Variants in C4orf36 observed in about 807,000 individuals in gnomAD.
The protein encoded by C4orf36 is chromosome 4 open reading frame 36.
A neutral mutation model predicts 12.2 loss-of-function variants in C4orf36; 11 were observed. The observed-to-expected ratio is 0.90, with a 90% CI of 0.57 to 1.49. The LOEUF is 1.49. Ranked by LOEUF, C4orf36 falls within the 40% of genes most tolerant of loss-of-function variation. The probability of loss-of-function intolerance (pLI) is 0.00; values close to 1 mark genes in which losing one functional copy is unlikely to be tolerated. For synonymous variants in C4orf36, 54 were observed against 51.3 expected (o/e 1.05, Z -0.22); for missense variants, 137 against 133.9 (o/e 1.02, Z -0.11).
At chr4:86,896,763 G>A (rs28610346), upstream of C4orf36, among the ~76,000 whole-genome samples, 9,493 of 152,168 alleles carry the variant, frequency 0.062, 438 homozygotes, top group Non-Finnish European at 0.087. Flanking sequence ...ATGCGTATCC[G>A]TTTGTGGGAA....
At chr4:86,934,288 G>A in the C4orf36 span, among the ~76,000 whole-genome samples, 7 of 152,188 alleles carry the variant, frequency 4.6e-5, no homozygotes, top group African/African-American at 1.7e-4. Context: ...TCCTTGGTAT[G>A]TTTACAGCAG....
At chr4:86,922,530 T>C in the C4orf36 span, among the ~76,000 whole-genome samples, 4 of 152,222 alleles carry the variant, frequency 2.6e-5, no homozygotes, top group South Asian at 2.1e-4. Flanking sequence ...ATTTGCCAGC[T>C]GGTGCAATGT....
At chr4:86,918,747 A>G in the C4orf36 span, among the ~76,000 whole-genome samples, 1 of 152,098 alleles carries the variant, frequency 6.6e-6, no homozygotes, top group Non-Finnish European at 1.5e-5. Context: ...ATCTCTTAAT[A>G]CTTCCATGCC....
chr4:86,896,115 G>A (rs766194516), upstream of C4orf36, among the ~76,000 whole-genome samples: 15 of 152,102 alleles, frequency 9.9e-5, no homozygotes, highest in East Asian at 1.9e-4. Context: ...GGGATTTTAG[G>A]AATATTAGAG....
At chr4:86,892,901 G>C (rs114615061), upstream of C4orf36, among the ~76,000 whole-genome samples, 1,132 of 152,294 alleles carry the variant, frequency 7.4e-3, 12 homozygotes, top group African/African-American at 0.026. Context: ...ACCCCTTACG[G>C]TCAAATGAAA....
At chr4:86,925,974 T>A in the C4orf36 span, 1 of 151,758 alleles carries the variant, frequency 6.6e-6, no homozygotes, top group Non-Finnish European at 1.5e-5. Flanking sequence ...CCTCCCAGAT[T>A]GAAGCAATTC....
chr4:86,909,132 A>G, the C4orf36 span, among the ~76,000 whole-genome samples: 1 of 152,168 alleles, frequency 6.6e-6, no homozygotes, highest in Non-Finnish European at 1.5e-5. Context: ...TATCTCATGC[A>G]GGCTCCTCTT....
At chr4:86,936,051 C>T in the C4orf36 span, 33 of 152,112 alleles carry the variant, frequency 2.2e-4, no homozygotes, top group Admixed American at 2.2e-3. Flanking sequence ...CGATACCGTC[C>T]GGCTAGTTTT....
upstream of C4orf36, among the ~76,000 whole-genome samples, chr4:86,893,321 C>A (rs1173804847): frequency 1.3e-5 from 2 of 152,198 alleles, no homozygotes; most frequent in Non-Finnish European, 2.9e-5. Flanking sequence ...GCGTGTCTCA[C>A]GCCTGTAATC....
intron 4 of C4orf36, among the ~76,000 whole-genome samples, chr4:86,883,626 C>T (rs1470751721): frequency 2.0e-5 from 3 of 152,196 alleles, no homozygotes; most frequent in Non-Finnish European, 2.9e-5. Context: ...TCCCAGCTCA[C>T]ACAGCAATAA....
the C4orf36 span, chr4:86,934,377 T>C: frequency 6.6e-6 from 1 of 152,138 alleles, no homozygotes; most frequent in African/African-American, 2.4e-5. Flanking sequence ...CTGCACCTAT[T>C]AGAATTTTCT....
chr4:86,914,821 C>T, the C4orf36 span: 3 of 454,142 alleles, frequency 6.6e-6, no homozygotes, highest in Non-Finnish European at 1.3e-5. Context: ...TGACATTATT[C>T]TTAGTGTTTT....
intron 2 of C4orf36, among the ~76,000 whole-genome samples, chr4:86,890,662 C>T (rs1015622395): frequency 3.9e-5 from 6 of 152,174 alleles, no homozygotes; most frequent in African/African-American, 1.4e-4. Flanking sequence ...TCCTCATTTA[C>T]TTCACAGAAT....
At chr4:86,933,659 C>T in the C4orf36 span, 1 of 152,116 alleles carries the variant, frequency 6.6e-6, no homozygotes, top group African/African-American at 2.4e-5. Flanking sequence ...GAAATGTATT[C>T]ATTATATAGC....
intron 4 of C4orf36, among the ~76,000 whole-genome samples, chr4:86,884,075 T>C (rs1241543087): frequency 1.3e-5 from 2 of 152,086 alleles, no homozygotes; most frequent in Non-Finnish European, 2.9e-5. Flanking sequence ...AAATGTAACA[T>C]TAATATCCAA....
At chr4:86,932,563 A>G in the C4orf36 span, among the ~76,000 whole-genome samples, 2 of 151,916 alleles carry the variant, frequency 1.3e-5, no homozygotes, top group African/African-American at 4.8e-5. Flanking sequence ...CTCTATCTTA[A>G]TGTTGTCTTC....
intron 4 of C4orf36, among the ~76,000 whole-genome samples, chr4:86,877,836 T>C (rs1206386979): frequency 2.0e-5 from 3 of 152,184 alleles, no homozygotes; most frequent in Non-Finnish European, 2.9e-5. Context: ...CTTTATAAAA[T>C]TGGAAATCTA....
At chr4:86,903,041 C>T in the C4orf36 span, among the ~76,000 whole-genome samples, 1 of 152,114 alleles carries the variant, frequency 6.6e-6, no homozygotes, top group African/African-American at 2.4e-5. Flanking sequence ...TATTTCTTAA[C>T]CTGGTTAGCA....
In C4orf36 at chr4:86,892,190, C is replaced by A; in HGVS notation, c.-81G>T. On this transcript the variant is annotated 5_prime_UTR_variant, in exon 1 of 5. Coordinates refer to ENST00000295898, the MANE Select transcript of C4orf36 (RefSeq NM_144645.4). ...CTCGGCTCCTTCCCACACCTGGGCC[C>A]CACCCTGCCTCCGACTCGCCAGGAA... is the stretch of plus-strand genomic sequence containing the variant. 2 of 985,580 alleles carry A rather than the reference C, an allele frequency of 2.0e-6. No homozygotes were observed. Among genetic ancestry groups the A allele is most frequent in the Non-Finnish European group, 2.4e-6 (2 of 830,036 alleles). The allele number at this position is 985,580 out of a possible 1,614,324, so 61.1% of individuals were successfully genotyped here.
Sources: allele counts gnomAD v4.1 joint callset (sites outside exome capture counted in the v4.1 genomes callset), GRCh38; gene constraint gnomAD v4.1.1; transcripts MANE v1.5; gene names NCBI Gene and HGNC (gene_info 2026-07-23, HGNC 2026-07-21).